The following EYS variants were observed in gnomAD, a reference collection of about 807,000 sequenced individuals.
EYS encodes protein eyes shut homolog.
In EYS, 250 loss-of-function variants were observed where a neutral mutation model predicts 282.1. The ratio of observed to expected loss-of-function variants is 0.89; its 90% CI spans 0.80 to 0.98. EYS has a LOEUF of 0.98. Among genes scored for constraint, EYS ranks in the 50% least tolerant of loss-of-function variants. The pLI is 0.00. For synonymous variants in EYS, 1,355 were observed against 1,282.9 expected (o/e 1.06, Z -1.20); for missense variants, 4,016 against 3,709.0 (o/e 1.08, Z -2.15).
At chr6:64,107,285 T>TTATATATATATATATATATTTA (rs1773054085) in intron 31 of EYS, among the ~76,000 whole-genome samples, 2 of 101,500 alleles carry the variant, frequency 2.0e-5, no homozygotes, top group African/African-American at 7.1e-5. Context: ...ATATATATAT[T>TTATATATATATATATATATTTA]TATATATATA....
chr6:64,196,146 C>T (rs1367563533), intron 31 of EYS, among the ~76,000 whole-genome samples: 1 of 152,116 alleles, frequency 6.6e-6, no homozygotes, highest in East Asian at 1.9e-4. Context: ...TGAAAAAATG[C>T]TCATCATCAC....
At chr6:63,962,066 C>A (rs886279551) in intron 35 of EYS, among the ~76,000 whole-genome samples, 3 of 152,128 alleles carry the variant, frequency 2.0e-5, no homozygotes, top group African/African-American at 4.8e-5. Context: ...ATGTAGAAAT[C>A]TGAAACTGGA....
intron 12 of EYS, among the ~76,000 whole-genome samples, chr6:65,081,922 G>T (rs1774240305): frequency 2.0e-5 from 3 of 152,068 alleles, no homozygotes; most frequent in Non-Finnish European, 4.4e-5. Flanking sequence ...GGCCATGGCT[G>T]TGGGAATACC....
At chr6:64,093,642 A>C (rs1772460300) in intron 31 of EYS, among the ~76,000 whole-genome samples, 1 of 152,194 alleles carries the variant, frequency 6.6e-6, no homozygotes, top group Non-Finnish European at 1.5e-5. Flanking sequence ...TATCAGCTTT[A>C]GAAGATTTTG....
chr6:65,089,426 G>A (rs1440062959), intron 12 of EYS, among the ~76,000 whole-genome samples: 1 of 152,136 alleles, frequency 6.6e-6, no homozygotes, highest in Non-Finnish European at 1.5e-5. Flanking sequence ...GGAACTTAAA[G>A]GTTTAATGAC....
chr6:63,960,742 C>T (rs1766022541), intron 35 of EYS, among the ~76,000 whole-genome samples: 1 of 152,194 alleles, frequency 6.6e-6, no homozygotes, highest in Non-Finnish European at 1.5e-5. Context: ...TGGTCATTAG[C>T]ATTTTTTAGT....
At chr6:64,636,429 A>G (rs1582981949) in intron 22 of EYS, among the ~76,000 whole-genome samples, 1 of 152,254 alleles carries the variant, frequency 6.6e-6, no homozygotes, top group Non-Finnish European at 1.5e-5. Flanking sequence ...CATCTTATAC[A>G]AAAATTAATT....
At chr6:65,165,294 T>G (rs1209081902) in intron 12 of EYS, among the ~76,000 whole-genome samples, 1 of 150,922 alleles carries the variant, frequency 6.6e-6, no homozygotes, top group African/African-American at 2.4e-5. Flanking sequence ...CTTTGTTTTT[T>G]TTTTTTAATT....
rs1768566915 is a variant in EYS at position 64,288,198 on chromosome 6, TG to T, written c.6191+18771del. 1.3e-5 allele frequency among the ~76,000 whole-genome samples: 2 copies of T among 152,128 alleles called. 1 individual carries two copies. The highest frequency in any genetic ancestry group is 2.9e-5 in the Non-Finnish European group (2 of 67,988). On this transcript the variant is annotated intron_variant, in intron 30 of 42. Transcript: ENST00000503581. ...CTCTTTTCACTCTGCACAGTTTCCT[TG>T]GGTGTCTTTTTACTCATTTTAATGT...
intron 41 of EYS, among the ~76,000 whole-genome samples, chr6:63,755,397 C>T (rs190588341): frequency 2.6e-4 from 39 of 152,282 alleles, no homozygotes; most frequent in African/African-American, 9.1e-4. Flanking sequence ...ATCCTTTCCC[C>T]ATTGCTTGTT....
rs573637270 is a variant in EYS, at chr6:64,620,848, A to G, written c.3569-3315T>C. Among the ~76,000 whole-genome samples the G allele has an allele frequency of 5.3e-5, 8 of 152,322 alleles. No individual in the cohort carries two copies. In the South Asian group the frequency reaches 1.7e-3, roughly 32 times the overall value. On this transcript the variant is annotated intron_variant, in intron 23 of 42. Transcript: ENST00000503581. ...AACCAAAAATTGTCATTAGCAATCTAGGAAAAGTAATCAAATTATTATGGT... is the reference window on the plus strand; with the variant it reads ...AACCAAAAATTGTCATTAGCAATCTGGGAAAAGTAATCAAATTATTATGGT...
At chr6:64,651,988 T>C (rs1768577628) in intron 22 of EYS, among the ~76,000 whole-genome samples, 1 of 152,188 alleles carries the variant, frequency 6.6e-6, no homozygotes, top group African/African-American at 2.4e-5. Flanking sequence ...GCACTCCAAG[T>C]GTACTGGTGG....
chr6:65,024,163 A>G (rs1772329195), intron 13 of EYS, among the ~76,000 whole-genome samples: 1 of 152,212 alleles, frequency 6.6e-6, no homozygotes, highest in Admixed American at 6.5e-5. Flanking sequence ...CATTGTGAAT[A>G]CATATAGCAA....
chr6:64,833,023 T>C (rs1244630722), intron 19 of EYS, among the ~76,000 whole-genome samples: 3 of 151,928 alleles, frequency 2.0e-5, no homozygotes, highest in Non-Finnish European at 2.9e-5. Context: ...ACATTCCCCA[T>C]TCCAACTCAT....
chr6:64,740,712 CCACT>C (rs1328890029), intron 22 of EYS, among the ~76,000 whole-genome samples: 3 of 107,762 alleles, frequency 2.8e-5, no homozygotes, highest in Non-Finnish European at 3.6e-5. Context: ...AAGAATATGT[CCACT>C]TTTTTTTTTT....
chr6:65,428,513 T>TC (rs1767750050), intron 5 of EYS, among the ~76,000 whole-genome samples: 1 of 152,050 alleles, frequency 6.6e-6, no homozygotes, highest in Non-Finnish European at 1.5e-5. Context: ...ACTCATTTTT[T>TC]TTTTTAGCAA....
chr6:65,115,757 C>G (rs1581922758), intron 12 of EYS, among the ~76,000 whole-genome samples: 1 of 147,320 alleles, frequency 6.8e-6, no homozygotes, highest in East Asian at 1.9e-4. Context: ...CCTTAATATG[C>G]CTCTCTGATA....
At chr6:64,827,329 C>T (rs1351384919) in intron 19 of EYS, among the ~76,000 whole-genome samples, 1 of 151,784 alleles carries the variant, frequency 6.6e-6, no homozygotes, top group African/African-American at 2.4e-5. Flanking sequence ...CATTGCATAT[C>T]AGCTAATATC....
intron 22 of EYS, among the ~76,000 whole-genome samples, chr6:64,749,893 C>A (rs1372768149): frequency 1.3e-5 from 2 of 151,872 alleles, no homozygotes; most frequent in Non-Finnish European, 2.9e-5. Flanking sequence ...TATATAATAG[C>A]AAATATTTTA....
Sources: gnomAD v4.1 joint callset for allele counts (sites outside exome capture counted in the v4.1 genomes callset) on GRCh38, gnomAD v4.1.1 for gene constraint, MANE v1.5 for transcripts, NCBI Gene and HGNC (gene_info 2026-07-23, HGNC 2026-07-21) for gene names.